CYTH4: variants seen among roughly 807,000 people sequenced by gnomAD.
CYTH4 encodes cytohesin-4.
In CYTH4, 22 loss-of-function variants were observed where a neutral mutation model predicts 57.5. That is an observed-to-expected ratio of 0.38 (90% CI 0.27 to 0.55). The LOEUF is 0.55. CYTH4 is among the 20% of genes least tolerant of loss of function. CYTH4 has a pLI of 0.74. For missense variants in CYTH4, 420 were observed against 535.6 expected, an observed-to-expected ratio of 0.78 and a Z score of 2.13; for synonymous variants, 186 against 206.5, an observed-to-expected ratio of 0.90 and a Z score of 0.85.
rs747842335 is a variant in CYTH4 at position 37,294,743 on chromosome 22, G to T, written c.167+19G>T. The stretch of plus-strand genomic sequence containing the variant: ...AGGAGAGGTGAGGGGCTTGGGTGGG[G>T]ACCCCCAGAAACTGCCATGGTTGCT... On this transcript the variant is annotated intron_variant, in intron 3 of 12. Transcript: ENST00000248901. 1.9e-6 allele frequency: 3 copies of T among 1,613,718 alleles called. No homozygotes were observed. Among genetic ancestry groups the T allele is most frequent in the Non-Finnish European group, 2.5e-6 (3 of 1,179,712 alleles).
intron 1 of CYTH4, among the ~76,000 whole-genome samples, chr22:37,283,571 C>T (rs1928440423): frequency 6.6e-6 from 1 of 152,132 alleles, no homozygotes; most frequent in African/African-American, 2.4e-5. Flanking sequence ...CCTCCCCACC[C>T]CCAGATGGAA....
intron 12 of CYTH4, among the ~76,000 whole-genome samples, chr22:37,312,420 T>C (rs56184985): frequency 0.019 from 2,897 of 151,856 alleles, 83 homozygotes; most frequent in African/African-American, 0.068. Context: ...GAGCAAAGAG[T>C]TGCACATAAA....
Position 37,311,427 on chromosome 22 carries a change from C to T in CYTH4, c.886-29C>T, listed in dbSNP as rs993352050. On this transcript the variant is annotated intron_variant, in intron 10 of 12. Coordinates refer to ENST00000248901, the MANE Select transcript of CYTH4 (RefSeq NM_013385.5). The surrounding 1 kb of genome is among the most constrained non-coding windows in gnomAD (Gnocchi z 4.4). ...TGGGCCTCAGGGTTCCGCTTCCTGA[C>T]CCTGACCTTCCTTCCCCTTTCCCTG... is the stretch of plus-strand genomic sequence containing the variant. 3 of 1,607,664 alleles carry T rather than the reference C, an allele frequency of 1.9e-6. No homozygotes were observed. The highest frequency in any genetic ancestry group is 1.1e-5 in the South Asian group (1 of 90,932).
In CYTH4 at chr22:37,313,575, GA is replaced by G. The variant is rs1929731633; in HGVS notation, c.*65del. On this transcript the variant is annotated 3_prime_UTR_variant, in exon 13 of 13. Coordinates refer to ENST00000248901, the MANE Select transcript of CYTH4 (RefSeq NM_013385.5). ...AGTCCCATCGCCTGCAGCACCTGGA[GA>G]CCCACCTCCCACCCCAGTGCACTCT... 6.9e-7 allele frequency: 1 copy of G among 1,455,794 alleles called. No homozygotes were observed. Among genetic ancestry groups the G allele is most frequent in the Admixed American group, 1.7e-5 (1 of 59,530 alleles). 90.2% of individuals were successfully genotyped at this position (1,455,794 alleles called of 1,614,324 possible).
At chr22:37,300,794 A>T in intron 6 of CYTH4, 113 bp from the exon 7 acceptor site, 1 of 823,040 alleles carries the variant, frequency 1.2e-6, no homozygotes, top group Non-Finnish European at 1.9e-6. Context: ...TGACAGTTGC[A>T]GATTCCCCCA....
chr22:37,311,896 C>T lies in CYTH4; in HGVS notation c.958-124C>T. The T allele has an allele frequency of 1.6e-6, 2 of 1,242,308 alleles. No individual in the cohort carries two copies. The highest frequency in any genetic ancestry group is 2.2e-6 in the Non-Finnish European group (2 of 895,398). 77.0% of individuals were successfully genotyped at this position (1,242,308 alleles called of 1,614,324 possible). On this transcript the variant is annotated intron_variant, in intron 11 of 12. Transcript: ENST00000248901. The surrounding 1 kb of genome is among the most constrained non-coding windows in gnomAD (Gnocchi z 4.4). ...TCAGTGTGGGAGCAGCAGCTCCTGC[C>T]CCTTCGCCTGTCGTAGGGCTGTCAC...
intron 12 of CYTH4, among the ~76,000 whole-genome samples, chr22:37,312,985 C>T (rs930107347): frequency 6.6e-6 from 1 of 152,232 alleles, no homozygotes; most frequent in African/African-American, 2.4e-5. Context: ...GCCTGTGAGG[C>T]TGCCAGGCAG....
intron 1 of CYTH4, among the ~76,000 whole-genome samples, chr22:37,289,970 G>GT (rs1361665238): frequency 6.6e-6 from 1 of 152,182 alleles, no homozygotes; most frequent in Admixed American, 6.5e-5. Flanking sequence ...TCAGGATATA[G>GT]TTTTTTATTT....
At chr22:37,282,874 G>GT (rs1408691191) in intron 1 of CYTH4, among the ~76,000 whole-genome samples, 2 of 152,204 alleles carry the variant, frequency 1.3e-5, no homozygotes, top group African/African-American at 4.8e-5. Context: ...TTGATGGCAG[G>GT]TAGGATGAAG....
At chr22:37,309,435 A>G (rs2145870578) in intron 9 of CYTH4, 112 bp downstream of exon 9, 2 of 935,384 alleles carry the variant, frequency 2.1e-6, no homozygotes, top group Non-Finnish European at 1.7e-6. Context: ...CGAGGCTCAC[A>G]TGCATCCTGG....
chr22:37,312,626 G>A (rs888434264), intron 12 of CYTH4, among the ~76,000 whole-genome samples: 1 of 152,228 alleles, frequency 6.6e-6, no homozygotes, highest in African/African-American at 2.4e-5. Context: ...GTGAGGCTAA[G>A]CAGTGTGGGA....
rs1190788573 is a variant in CYTH4 at position 37,314,156 on chromosome 22, C to T, written c.*645C>T. Reference sequence around the variant, plus strand: ...TGTGTGCCCTCTGCCAAGTCATGCCCATTCTCTAGTTCTTGCAAAACTGCA... The same window carrying T: ...TGTGTGCCCTCTGCCAAGTCATGCCTATTCTCTAGTTCTTGCAAAACTGCA... On this transcript the variant is annotated 3_prime_UTR_variant, in exon 13 of 13. Transcript: ENST00000248901. The T allele has an allele frequency of 4.1e-5, 16 of 389,702 alleles. No homozygotes were observed. Among genetic ancestry groups the T allele is most frequent in the South Asian group, 1.4e-4 (1 of 6,950 alleles). 24.1% of individuals were successfully genotyped at this position (389,702 alleles called of 1,614,324 possible).
chr22:37,305,597 C>G (rs1425702352), intron 8 of CYTH4, among the ~76,000 whole-genome samples: 1 of 152,194 alleles, frequency 6.6e-6, no homozygotes, highest in Admixed American at 6.5e-5. Flanking sequence ...AAGAAACACA[C>G]AGGCAGCTGC....
Position 37,300,927 on chromosome 22 carries a change from G to A in CYTH4, c.455G>A (p.Arg152Gln), listed in dbSNP as rs970130619. 1.3e-5 allele frequency: 21 copies of A among 1,614,034 alleles called. No homozygotes were observed. Among genetic ancestry groups the A allele is most frequent in the African/African-American group, 2.7e-5 (2 of 74,936 alleles). Residue 152 changes from arginine (R) to glutamine (Q), a missense_variant, in exon 7 of 13, where the codon CGG becomes CAG. By Grantham distance (43) the Arg-to-Gln change is conservative. Transcript: ENST00000248901. Reference protein sequence around the residue: ...QALRQFLWSFRLPGEAQKIDR... With the variant: ...QALRQFLWSFQLPGEAQKIDR... ...CCCAGGCAGTTCCTGTGGAGCTTCC[G>A]GCTGCCGGGCGAGGCCCAGAAGATA...
chr22:37,312,265 C>T (rs551446800), intron 12 of CYTH4, 91 bp downstream of exon 12: 2 of 1,510,060 alleles, frequency 1.3e-6, no homozygotes, highest in South Asian at 2.5e-5. Flanking sequence ...TGTAAAGGGG[C>T]TAACTCCAGT....
intron 7 of CYTH4, among the ~76,000 whole-genome samples, chr22:37,302,550 G>C (rs1186440222): frequency 6.6e-6 from 1 of 152,178 alleles, no homozygotes; most frequent in African/African-American, 2.4e-5. Flanking sequence ...TTCCAGAACA[G>C]GCAGTTACTT....
At chr22:37,297,865 T>G (rs1485789757) in intron 5 of CYTH4, 183 bp downstream of exon 5, 8 of 532,434 alleles carry the variant, frequency 1.5e-5, no homozygotes, top group Non-Finnish European at 2.7e-5. Context: ...ATTCATTTAG[T>G]CATTTATTCA....
At chr22:37,305,448 T>A (rs1462056564) in intron 8 of CYTH4, among the ~76,000 whole-genome samples, 8 of 152,112 alleles carry the variant, frequency 5.3e-5, no homozygotes, top group Non-Finnish European at 1.2e-4. Context: ...TACCCCACTT[T>A]CTGGTTGTGT....
intron 5 of CYTH4, 72 bp from the exon 6 acceptor site, chr22:37,299,154 A>G: frequency 8.6e-7 from 1 of 1,160,894 alleles, no homozygotes; most frequent in South Asian, 1.3e-5. Flanking sequence ...CCCCCACCTC[A>G]ACCCCCTCCA....
Sources: allele counts gnomAD v4.1 joint callset (sites outside exome capture counted in the v4.1 genomes callset), GRCh38; gene constraint gnomAD v4.1.1; non-coding constraint Gnocchi (gnomAD v3.1); transcripts MANE v1.5; gene names NCBI Gene and HGNC (gene_info 2026-07-23, HGNC 2026-07-21).